PLD1: variants seen among roughly 807,000 people sequenced by gnomAD.
PLD1 encodes phospholipase D1, also known as choline phosphatase 1.
In PLD1, 112 loss-of-function variants were observed where a neutral mutation model predicts 137.1. That is an observed-to-expected ratio of 0.82 (90% CI 0.70 to 0.96). PLD1 has a LOEUF of 0.96. PLD1 is among the 40% of genes least tolerant of loss of function. The probability of loss-of-function intolerance (pLI) is 0.00; values close to 1 mark genes in which losing one functional copy is unlikely to be tolerated. For synonymous variants in PLD1, 431 were observed against 454.7 expected (o/e 0.95, Z 0.66); for missense variants, 1,321 against 1,342.0 (o/e 0.98, Z 0.24).
chr3:171,809,823 GC>G, intron 1 of PLD1: 1 of 152,606 alleles, frequency 6.6e-6, no homozygotes, highest in Non-Finnish European at 1.5e-5. Context: ...CCTGCTGCTG[GC>G]CCCCGGCCCC....
rs200867009 is a variant in PLD1, at chr3:171,750,031, A to G, written c.-31-11949T>C. On this transcript the variant is annotated intron_variant, in intron 1 of 26. Transcript: ENST00000351298. ...AAGTATAAAGGAATTCAGAGTCTCTACAACATGTCAGTCACAATGTCACCT... is the reference window on the plus strand; with the variant it reads ...AAGTATAAAGGAATTCAGAGTCTCTGCAACATGTCAGTCACAATGTCACCT... 1.4e-4 allele frequency among the ~76,000 whole-genome samples: 21 copies of G among 152,334 alleles called. No individual in the cohort carries two copies. The East Asian group carries it at 2.1e-3, about 15-fold the overall frequency.
At chr3:171,780,839 C>T (rs912641209) in intron 1 of PLD1, among the ~76,000 whole-genome samples, 14 of 152,128 alleles carry the variant, frequency 9.2e-5, no homozygotes, top group Non-Finnish European at 1.0e-4. Context: ...GTGGATATAC[C>T]GTGTTCACGG....
Position 171,674,483 on chromosome 3 carries a change from A to T in PLD1, c.2229+17T>A, listed in dbSNP as rs1713119800. 1 of 1,329,276 alleles carries T rather than the reference A, an allele frequency of 7.5e-7. No homozygotes were observed. The allele number at this position is 1,329,276 out of a possible 1,614,324, so 82.3% of individuals were successfully genotyped here. The stretch of plus-strand genomic sequence containing the variant: ...TCAGTAGCATTTTGTCAAAAAGAAA[A>T]GCCAGAACTTACTTACCTGTACGTT... On this transcript the variant is annotated intron_variant, in intron 19 of 26. Coordinates refer to ENST00000351298, the MANE Select transcript of PLD1 (RefSeq NM_002662.5).
At chr3:171,734,570 CAAT>C (rs891768204) in intron 5 of PLD1, among the ~76,000 whole-genome samples, 12 of 151,216 alleles carry the variant, frequency 7.9e-5, no homozygotes, top group African/African-American at 2.4e-4. Context: ...AAACCCACAA[CAAT>C]GAGTTCAATC....
chr3:171,646,687 A>AG (rs1299742949), intron 21 of PLD1, among the ~76,000 whole-genome samples: 36 of 151,980 alleles, frequency 2.4e-4, no homozygotes, highest in African/African-American at 8.2e-4. Context: ...AAAAAAAAAA[A>AG]AAAGAAAAGA....
At chr3:171,672,846 T>A (rs1011568302) in intron 19 of PLD1, among the ~76,000 whole-genome samples, 3 of 152,236 alleles carry the variant, frequency 2.0e-5, no homozygotes, top group African/African-American at 7.2e-5. Context: ...AAGCATTTTA[T>A]AGAGTCTCTA....
intron 8 of PLD1, among the ~76,000 whole-genome samples, chr3:171,722,405 C>T (rs1186638889): frequency 6.6e-6 from 1 of 152,140 alleles, no homozygotes; most frequent in Non-Finnish European, 1.5e-5. Flanking sequence ...GTATAACCAT[C>T]ACCACTATCT....
At chr3:171,648,037 C>T (rs1736413499) in intron 21 of PLD1, among the ~76,000 whole-genome samples, 1 of 152,184 alleles carries the variant, frequency 6.6e-6, no homozygotes, top group Non-Finnish European at 1.5e-5. Context: ...CATGTTGTAG[C>T]ATGCGTCAGA....
intron 1 of PLD1, among the ~76,000 whole-genome samples, chr3:171,780,841 T>C (rs1226367889): frequency 6.6e-6 from 1 of 152,218 alleles, no homozygotes; most frequent in African/African-American, 2.4e-5. Context: ...GGATATACCG[T>C]GTTCACGGAT....
intron 1 of PLD1, among the ~76,000 whole-genome samples, chr3:171,805,892 A>G (rs1195376413): frequency 7.9e-5 from 12 of 152,222 alleles, no homozygotes; most frequent in African/African-American, 2.9e-4. Flanking sequence ...AAATGGGCAT[A>G]GGCCAGGCTC....
At chr3:171,737,409 T>C in intron 3 of PLD1, 123 bp downstream of exon 3, 1 of 893,030 alleles carries the variant, frequency 1.1e-6, no homozygotes, top group Non-Finnish European at 1.6e-6. Flanking sequence ...GATAGATACA[T>C]AAAAACAAAC....
intron 1 of PLD1, among the ~76,000 whole-genome samples, chr3:171,757,860 T>C (rs578239479): frequency 1.3e-5 from 2 of 152,356 alleles, no homozygotes; most frequent in Admixed American, 6.5e-5. Flanking sequence ...ATTCAGCACA[T>C]GGCTTTTACT....
intron 19 of PLD1, among the ~76,000 whole-genome samples, chr3:171,672,800 CACA>C (rs1444836868): frequency 4.6e-5 from 7 of 152,118 alleles, no homozygotes; most frequent in Non-Finnish European, 1.0e-4. Context: ...TCATTTCTCA[CACA>C]ACATCAGTGA....
chr3:171,642,929 A>G (rs958362294), intron 22 of PLD1, 40 bp from the exon 23 acceptor site: 16 of 1,134,922 alleles, frequency 1.4e-5, no homozygotes, highest in Non-Finnish European at 2.1e-5. Flanking sequence ...CAGAGGTTTC[A>G]AAACAACCAA....
intron 24 of PLD1, among the ~76,000 whole-genome samples, chr3:171,618,720 ATGTGTGTG>A (rs199668732): frequency 0.037 from 5,211 of 140,702 alleles, 317 homozygotes; most frequent in African/African-American, 0.12. Context: ...AAAAGTGTGT[ATGTGTGTG>A]TGTGTGTGTG....
chr3:171,676,845 C>T lies in PLD1; in HGVS notation c.1997-12G>A, dbSNP rs542316290. 3 of 1,573,162 alleles carry T rather than the reference C, an allele frequency of 1.9e-6. No homozygotes were observed. The highest frequency in any genetic ancestry group is 1.7e-5 in the Admixed American group (1 of 59,854). On this transcript the variant is annotated splice_polypyrimidine_tract_variant and intron_variant, in intron 17 of 26. Coordinates refer to ENST00000351298, the MANE Select transcript of PLD1 (RefSeq NM_002662.5). ...CCTGTCAATGAAATCTGCCCGGGTG[C>T]ACCAGGCAAGGATCAGTCATTAACT... is the stretch of plus-strand genomic sequence containing the variant.
At position 171,737,600 on chromosome 3, in the gene PLD1, T is replaced by C. The variant is rs768385561; in HGVS notation, c.220A>G (p.Thr74Ala). The change falls in exon 3 of 27, where the codon ACG becomes GCG. Residue 74 changes from threonine to alanine, a missense_variant. Coordinates refer to ENST00000351298, the MANE Select transcript of PLD1 (RefSeq NM_002662.5). ...TTTATTGGACAGCCGGAGAGATACG[T>C]CTGTATATTAGGCTCCTTAAATCCT... ...TQGFKEPNIQ[T>A]YLSGCPIKAQ... The C allele has an allele frequency of 1.9e-6, 3 of 1,605,896 alleles. 1 individual carries two copies. In the Admixed American group the frequency reaches 5.0e-5, roughly 27 times the overall value.
At chr3:171,620,861 A>T (rs1489073860) in intron 23 of PLD1, among the ~76,000 whole-genome samples, 2 of 150,560 alleles carry the variant, frequency 1.3e-5, no homozygotes. Context: ...TTTTATTTTA[A>T]TGATTTGATG....
intron 26 of PLD1, among the ~76,000 whole-genome samples, chr3:171,603,548 G>A (rs1731980122): frequency 6.6e-6 from 1 of 152,136 alleles, no homozygotes; most frequent in African/African-American, 2.4e-5. Flanking sequence ...TTACACTAAT[G>A]TTACCCCACA....
Sources: gnomAD v4.1 joint callset for allele counts (sites outside exome capture counted in the v4.1 genomes callset) on GRCh38, gnomAD v4.1.1 for gene constraint, MANE v1.5 for transcripts, NCBI Gene and HGNC (gene_info 2026-07-23, HGNC 2026-07-21) for gene names.